Variants in DAPK2 observed in about 807,000 individuals in gnomAD.
DAPK2 encodes death-associated protein kinase 2.
A neutral mutation model predicts 44.1 loss-of-function variants in DAPK2; 35 were observed. The observed-to-expected ratio is 0.79, with a 90% CI of 0.61 to 1.05. The LOEUF is 1.05. DAPK2 is among the 50% of genes least tolerant of loss of function. DAPK2 has a pLI of 0.00. For synonymous variants in DAPK2, 174 were observed against 182.6 expected, an observed-to-expected ratio of 0.95 and a Z score of 0.38; for missense variants, 453 against 483.2, an observed-to-expected ratio of 0.94 and a Z score of 0.59.
At chr15:64,026,545 G>C (rs1278578992) in intron 1 of DAPK2, among the ~76,000 whole-genome samples, 1 of 152,074 alleles carries the variant, frequency 6.6e-6, no homozygotes, top group Non-Finnish European at 1.5e-5. Flanking sequence ...CACCCAGCCT[G>C]ATAGGGTACC....
At chr15:63,964,926 T>G (rs544657299) in intron 3 of DAPK2, among the ~76,000 whole-genome samples, 1 of 152,334 alleles carries the variant, frequency 6.6e-6, no homozygotes, top group African/African-American at 2.4e-5. Context: ...CACATGTCTC[T>G]GTCTCTCCAG....
chr15:64,033,314 A>G (rs2080080863), intron 1 of DAPK2, among the ~76,000 whole-genome samples: 1 of 142,004 alleles, frequency 7.0e-6, no homozygotes. Context: ...GGAAGGAAGG[A>G]AGGAAGGAAG....
chr15:63,922,768 G>A, intron 8 of DAPK2: 1 of 1,533,216 alleles, frequency 6.5e-7, no homozygotes, highest in Non-Finnish European at 8.7e-7. Flanking sequence ...ATTCCTCAGT[G>A]CATGATCTGC....
chr15:63,949,520 C>T (rs2077533373), intron 3 of DAPK2, among the ~76,000 whole-genome samples: 1 of 152,150 alleles, frequency 6.6e-6, no homozygotes, highest in Non-Finnish European at 1.5e-5. Context: ...CCCATCTAAC[C>T]AGTGAGGAGC....
At chr15:63,969,524 G>A (rs1465249865) in intron 3 of DAPK2, among the ~76,000 whole-genome samples, 2 of 151,992 alleles carry the variant, frequency 1.3e-5, no homozygotes, top group Non-Finnish European at 2.9e-5. Context: ...TGGACCACTT[G>A]AGCCCAGGAG....
intron 2 of DAPK2, among the ~76,000 whole-genome samples, chr15:63,974,264 T>C (rs1373080703): frequency 6.6e-6 from 1 of 152,208 alleles, no homozygotes; most frequent in Non-Finnish European, 1.5e-5. Context: ...TTTAAAGATG[T>C]TTATTCTGAG....
chr15:63,910,370 C>G (rs1447521049), intron 10 of DAPK2, among the ~76,000 whole-genome samples: 2 of 152,206 alleles, frequency 1.3e-5, no homozygotes, highest in Non-Finnish European at 2.9e-5. Flanking sequence ...CTTAGGCACC[C>G]ACCTCCCAGT....
intron 3 of DAPK2, among the ~76,000 whole-genome samples, chr15:63,946,975 TG>T (rs2077465150): frequency 6.6e-6 from 1 of 152,184 alleles, no homozygotes; most frequent in Admixed American, 6.6e-5. Context: ...ACACTGTCGA[TG>T]GGACCACAGC....
chr15:63,965,912 T>C (rs1244037310), intron 3 of DAPK2, among the ~76,000 whole-genome samples: 1 of 152,128 alleles, frequency 6.6e-6, no homozygotes, highest in African/African-American at 2.4e-5. Context: ...AGGCCTGAAA[T>C]TGGAAACCCG....
intron 1 of DAPK2, among the ~76,000 whole-genome samples, chr15:64,033,777 G>A (rs887168327): frequency 1.3e-5 from 2 of 151,982 alleles, no homozygotes; most frequent in African/African-American, 2.4e-5. Flanking sequence ...GTGTGGTGGC[G>A]GGCGCTTATA....
intron 2 of DAPK2, among the ~76,000 whole-genome samples, chr15:63,972,280 C>T (rs7181034): frequency 0.98 from 149,141 of 152,314 alleles, 73,090 homozygotes; most frequent in East Asian, 1. Context: ...CTGTAACAGA[C>T]ACCTAAAAAT....
chr15:63,908,687 C>A lies in DAPK2; in HGVS notation c.1033-87G>T. ...CTGTGCTGGGCAACCTGGGTTGATT[C>A]ACCTGGACCACGGGACTACAAGCCA... On this transcript the variant is annotated intron_variant, in intron 10 of 10. Transcript: ENST00000261891. The surrounding 1 kb of genome is among the most constrained non-coding windows in gnomAD (Gnocchi z 5.7). 8.9e-7 allele frequency: 1 copy of A among 1,123,928 alleles called. No homozygotes were observed. Among genetic ancestry groups the A allele is most frequent in the South Asian group, 1.6e-5 (1 of 60,946 alleles). The allele number at this position is 1,123,928 out of a possible 1,614,324, so 69.6% of individuals were successfully genotyped here. A position where few individuals can be genotyped will look rare whatever the true frequency, so the allele number is the denominator to read the frequency against.
At chr15:64,041,146 G>C (rs557641332), upstream of DAPK2, among the ~76,000 whole-genome samples, 8 of 152,298 alleles carry the variant, frequency 5.3e-5, no homozygotes, top group East Asian at 1.5e-3. Context: ...CTGCGTGTCT[G>C]AACTAATCTG....
chr15:63,927,718 T>G (rs1376767784), intron 6 of DAPK2, among the ~76,000 whole-genome samples: 1 of 150,652 alleles, frequency 6.6e-6, no homozygotes, highest in Non-Finnish European at 1.5e-5. Context: ...AAGAAGACTA[T>G]GTGCTCAGTA....
At chr15:63,983,460 G>A (rs1171234755) in intron 2 of DAPK2, 73 bp downstream of exon 3, 1 of 1,442,770 alleles carries the variant, frequency 6.9e-7, no homozygotes, top group Non-Finnish European at 9.7e-7. Flanking sequence ...CCTGGGGCCT[G>A]TGGCTGGAGT....
At chr15:63,927,169 C>T (rs1177500227) in intron 6 of DAPK2, among the ~76,000 whole-genome samples, 2 of 152,146 alleles carry the variant, frequency 1.3e-5, no homozygotes, top group African/African-American at 2.4e-5. Flanking sequence ...CAATCCTGGC[C>T]CACACTAAGG....
chr15:64,024,763 G>C (rs1002583191), intron 1 of DAPK2, among the ~76,000 whole-genome samples: 1 of 152,146 alleles, frequency 6.6e-6, no homozygotes, highest in African/African-American at 2.4e-5. Context: ...TCACCAACTA[G>C]AGCCACACCA....
intron 1 of DAPK2, among the ~76,000 whole-genome samples, chr15:64,024,617 C>T (rs1183668889): frequency 1.3e-5 from 2 of 152,180 alleles, no homozygotes; most frequent in Non-Finnish European, 2.9e-5. Context: ...CTGGTGATTC[C>T]AGTGCCCAGA....
At chr15:64,039,802 G>A (rs80318868) in intron 1 of DAPK2, among the ~76,000 whole-genome samples, 7,968 of 152,114 alleles carry the variant, frequency 0.052, 357 homozygotes, top group African/African-American at 0.13. Context: ...ACAAAACCCT[G>A]GGAACCATGG....
Sources: gnomAD v4.1 joint callset for allele counts (sites outside exome capture counted in the v4.1 genomes callset) on GRCh38, gnomAD v4.1.1 for gene constraint, Gnocchi (gnomAD v3.1) non-coding constraint, MANE v1.5 for transcripts, NCBI Gene and HGNC (gene_info 2026-07-23, HGNC 2026-07-21) for gene names.